Variants in RGS7 observed in about 807,000 individuals in gnomAD.
RGS7 encodes regulator of G protein signaling 7, also known as regulator of G-protein signaling 7.
In RGS7, 27 loss-of-function variants were observed where a neutral mutation model predicts 81.1. The observed-to-expected ratio is 0.33, with a 90% CI of 0.25 to 0.46. The LOEUF (loss-of-function observed/expected upper bound fraction) is 0.46. Ranked by LOEUF, RGS7 falls within the 20% of genes least tolerant of loss-of-function variation. The probability of loss-of-function intolerance (pLI) is 1.00; values close to 1 mark genes in which losing one functional copy is unlikely to be tolerated. For synonymous variants in RGS7, 208 were observed against 207.7 expected, an observed-to-expected ratio of 1.00 and a Z score of -0.01; for missense variants, 396 against 607.4, an observed-to-expected ratio of 0.65 and a Z score of 3.66.
intron 9 of RGS7, among the ~76,000 whole-genome samples, chr1:240,862,923 A>ATATGTG: frequency 7.0e-6 from 1 of 142,080 alleles, no homozygotes; most frequent in South Asian, 2.1e-4. Context: ...TGTAAACTAA[A>ATATGTG]TATGTGTGTG....
chr1:240,956,520 A>G (rs146177044), intron 4 of RGS7, among the ~76,000 whole-genome samples: 4 of 152,106 alleles, frequency 2.6e-5, no homozygotes, highest in African/African-American at 9.6e-5. Flanking sequence ...GGAGCATAAC[A>G]CTCCACTCCT....
chr1:240,893,052 G>A (rs1214008184), intron 6 of RGS7, among the ~76,000 whole-genome samples: 2 of 151,900 alleles, frequency 1.3e-5, no homozygotes, highest in Admixed American at 6.6e-5. Context: ...TACTGTCCTA[G>A]GAACTAGGAA....
chr1:240,875,791 G>A (rs972402663), intron 6 of RGS7, among the ~76,000 whole-genome samples: 3 of 152,164 alleles, frequency 2.0e-5, no homozygotes, highest in Admixed American at 6.5e-5. Flanking sequence ...GATTAGTGAC[G>A]GGGACCACCT....
At chr1:241,038,659 T>G (rs976226657) in intron 3 of RGS7, among the ~76,000 whole-genome samples, 22 of 152,168 alleles carry the variant, frequency 1.4e-4, no homozygotes, top group Non-Finnish European at 2.8e-4. Flanking sequence ...AGACAACACT[T>G]AGGTCTGCCA....
chr1:240,798,945 G>A (rs1202331329), intron 18 of RGS7, among the ~76,000 whole-genome samples: 2 of 152,074 alleles, frequency 1.3e-5, no homozygotes, highest in African/African-American at 4.8e-5. Context: ...ACTCCAGTAA[G>A]TCTATCTGAT....
At chr1:241,295,160 T>C (rs1167831694) in intron 2 of RGS7, among the ~76,000 whole-genome samples, 1 of 152,144 alleles carries the variant, frequency 6.6e-6, no homozygotes, top group African/African-American at 2.4e-5. Context: ...AAAATAGATA[T>C]GTTTGCGGCC....
At chr1:240,835,563 C>T (rs1418617942) in intron 9 of RGS7, among the ~76,000 whole-genome samples, 3 of 152,196 alleles carry the variant, frequency 2.0e-5, no homozygotes, top group Non-Finnish European at 4.4e-5. Flanking sequence ...ACCATTCGAT[C>T]CAGCAATCAT....
intron 12 of RGS7, 45 bp from the exon 13 acceptor site, chr1:240,813,773 G>T: frequency 1.6e-6 from 2 of 1,241,162 alleles, no homozygotes; most frequent in Non-Finnish European, 2.4e-6. Context: ...TTCTGACTGG[G>T]GTTGCAGCCA....
chr1:241,264,138 TTGAG>T (rs976336642), intron 2 of RGS7, among the ~76,000 whole-genome samples: 13 of 152,246 alleles, frequency 8.5e-5, no homozygotes, highest in East Asian at 3.8e-4. Context: ...TAACTTATGT[TTGAG>T]TATTTTTTAA....
chr1:240,848,320 T>C (rs762302939), intron 9 of RGS7, among the ~76,000 whole-genome samples: 73 of 152,208 alleles, frequency 4.8e-4, no homozygotes, highest in Non-Finnish European at 9.4e-4. Context: ...CTGATTATTT[T>C]ATTAAGTGAT....
At chr1:241,002,453 CAAAAA>C (rs56234845) in intron 3 of RGS7, among the ~76,000 whole-genome samples, 1 of 145,712 alleles carries the variant, frequency 6.9e-6, no homozygotes. Flanking sequence ...AACTCTGTCT[CAAAAA>C]AAAAAAAAAA....
intron 2 of RGS7, among the ~76,000 whole-genome samples, chr1:241,259,335 C>A (rs1352451777): frequency 6.6e-6 from 1 of 151,878 alleles, no homozygotes; most frequent in Non-Finnish European, 1.5e-5. Flanking sequence ...CAAAAAGACA[C>A]CACAAAGAAC....
At chr1:240,960,706 A>C (rs1017798424) in intron 4 of RGS7, among the ~76,000 whole-genome samples, 4 of 152,136 alleles carry the variant, frequency 2.6e-5, no homozygotes, top group Non-Finnish European at 5.9e-5. Context: ...ACAGTCACTT[A>C]ATTCTGCCCA....
intron 3 of RGS7, among the ~76,000 whole-genome samples, chr1:241,033,504 T>A (rs2060186778): frequency 6.6e-6 from 1 of 151,830 alleles, no homozygotes. Context: ...TCATTATGAG[T>A]TTTTATATTT....
chr1:241,331,310 A>C (rs1009405297), intron 2 of RGS7, among the ~76,000 whole-genome samples: 1 of 152,226 alleles, frequency 6.6e-6, no homozygotes, highest in African/African-American at 2.4e-5. Flanking sequence ...TTAAATTTAA[A>C]GTATTATAAT....
chr1:240,873,612 C>T (rs542253883), intron 6 of RGS7, among the ~76,000 whole-genome samples: 18 of 152,216 alleles, frequency 1.2e-4, no homozygotes, highest in Middle Eastern at 6.8e-3. Flanking sequence ...TGAGTGCTGA[C>T]GTCAGGTCTT....
intron 9 of RGS7, among the ~76,000 whole-genome samples, chr1:240,847,859 T>G (rs191282672): frequency 6.6e-6 from 1 of 152,202 alleles, no homozygotes; most frequent in East Asian, 1.9e-4. Context: ...ATTAAGAAAA[T>G]AACACGACAT....
At chr1:240,806,573 A>C (rs1688885737) in intron 14 of RGS7, among the ~76,000 whole-genome samples, 1 of 149,410 alleles carries the variant, frequency 6.7e-6, no homozygotes, top group East Asian at 1.9e-4. Context: ...ATAAATAAAA[A>C]ATATTAATAA....
chr1:240,917,000 C>T (rs1038886346), intron 6 of RGS7, among the ~76,000 whole-genome samples: 3 of 151,734 alleles, frequency 2.0e-5, no homozygotes, highest in Admixed American at 6.6e-5. Context: ...TTGAAAGGAG[C>T]GAGGGTGGAT....
Sources: allele counts gnomAD v4.1 joint callset (sites outside exome capture counted in the v4.1 genomes callset), GRCh38; gene constraint gnomAD v4.1.1; transcripts MANE v1.5; gene names NCBI Gene and HGNC (gene_info 2026-07-23, HGNC 2026-07-21).